The following PPP6R3 variants were observed in gnomAD, a reference collection of about 807,000 sequenced individuals.
The protein encoded by PPP6R3 is protein phosphatase 6 regulatory subunit 3.
Under a neutral mutation model 110.7 loss-of-function variants are expected in PPP6R3, and 38 were observed. That is an observed-to-expected ratio of 0.34 (90% CI 0.26 to 0.45). The LOEUF is 0.45. Ranked by LOEUF, PPP6R3 falls within the 20% of genes least tolerant of loss-of-function variation. PPP6R3 has a pLI of 1.00. For missense variants in PPP6R3, 870 were observed against 1,062.4 expected, an observed-to-expected ratio of 0.82 and a Z score of 2.52; for synonymous variants, 369 against 373.5, an observed-to-expected ratio of 0.99 and a Z score of 0.14.
In PPP6R3 at chr11:68,596,028, T is replaced by C. The variant is rs555591511; in HGVS notation, c.1917-69T>C. 7.5e-6 allele frequency: 12 copies of C among 1,595,086 alleles called. No homozygotes were observed. The Admixed American group carries it at 1.5e-4, about 20-fold the overall frequency. On this transcript the variant is annotated intron_variant, in intron 18 of 23. Coordinates refer to ENST00000393800, the MANE Select transcript of PPP6R3 (RefSeq NM_001164161.2). ...AGGACCTTTTGTTGCTGGATGACTG[T>C]TAGAATTTTCTGGATTTAGCTGGTG...
Position 68,548,031 on chromosome 11 carries a change from T to TA in PPP6R3, c.415-35dup, listed in dbSNP as rs758856501. ...AAGGTAAAGTTTATAGTTTCCAAGT[T>TA]ACATGTCTTTCAGTTTCTGATCTGT... On this transcript the variant is annotated intron_variant, in intron 4 of 23. Transcript: ENST00000393800. The TA allele has an allele frequency of 7.5e-6, 12 of 1,593,812 alleles. No homozygotes were observed. The African/African-American group carries it at 1.6e-4, about 22-fold the overall frequency.
At chr11:68,505,740 C>G (rs1465238771) in intron 1 of PPP6R3, among the ~76,000 whole-genome samples, 1 of 152,184 alleles carries the variant, frequency 6.6e-6, no homozygotes, top group Non-Finnish European at 1.5e-5. Flanking sequence ...CCTTCCTAGC[C>G]ATGTTTCAGA....
chr11:68,574,559 T>C (rs1464055686), intron 13 of PPP6R3, among the ~76,000 whole-genome samples: 1 of 152,232 alleles, frequency 6.6e-6, no homozygotes, highest in African/African-American at 2.4e-5. Context: ...ATGCTAGCAG[T>C]TGAGCCACTT....
chr11:68,590,523 TTGTTTC>T, intron 16 of PPP6R3, 131 bp from the exon 17 acceptor site: 1 of 949,946 alleles, frequency 1.1e-6, no homozygotes, highest in South Asian at 2.5e-5. Context: ...TATAAGAAGG[TTGTTTC>T]TGTTTGTTTT....
At chr11:68,543,123 C>G (rs906925620) in intron 3 of PPP6R3, among the ~76,000 whole-genome samples, 6 of 152,206 alleles carry the variant, frequency 3.9e-5, no homozygotes, top group African/African-American at 1.4e-4. Flanking sequence ...CTCCCCTCCT[C>G]CATAAGATAA....
rs568000602 is a variant in PPP6R3 at position 68,488,254 on chromosome 11, G to C, written c.-158+27427G>C. 2.6e-5 allele frequency among the ~76,000 whole-genome samples: 4 copies of C among 151,718 alleles called. No homozygotes were observed. In the South Asian group the frequency reaches 6.2e-4, roughly 24 times the overall value. On this transcript the variant is annotated intron_variant, in intron 1 of 23. Coordinates refer to ENST00000393800, the MANE Select transcript of PPP6R3 (RefSeq NM_001164161.2). The stretch of plus-strand genomic sequence containing the variant: ...TTCTTTTTTTTTTAAACAGGGACTT[G>C]CTCTATAGCCCAGGCTGCAGTGCAG...
At chr11:68,577,723 C>A (rs1191741006) in intron 14 of PPP6R3, among the ~76,000 whole-genome samples, 2 of 152,108 alleles carry the variant, frequency 1.3e-5, no homozygotes, top group South Asian at 2.1e-4. Flanking sequence ...AGGGTGTGGT[C>A]ATCCCGCAAA....
At chr11:68,465,037 A>C (rs1261434203) in intron 1 of PPP6R3, among the ~76,000 whole-genome samples, 2 of 152,030 alleles carry the variant, frequency 1.3e-5, no homozygotes, top group Non-Finnish European at 2.9e-5. Context: ...GCGTGCCACC[A>C]CACCTGGCTC....
intron 2 of PPP6R3, among the ~76,000 whole-genome samples, chr11:68,522,880 A>C (rs1462263506): frequency 6.6e-6 from 1 of 152,198 alleles, no homozygotes; most frequent in Non-Finnish European, 1.5e-5. Context: ...GGAGGCTAAA[A>C]AGTCAGAGGT....
At chr11:68,481,194 A>G (rs1207993987) in intron 1 of PPP6R3, among the ~76,000 whole-genome samples, 5 of 152,224 alleles carry the variant, frequency 3.3e-5, no homozygotes, top group Non-Finnish European at 5.9e-5. Context: ...TAAATTAAAA[A>G]GAGGCCATCA....
At chr11:68,604,440 AG>A (rs1938286681) in intron 22 of PPP6R3, among the ~76,000 whole-genome samples, 1 of 152,272 alleles carries the variant, frequency 6.6e-6, no homozygotes, top group African/African-American at 2.4e-5. Flanking sequence ...TAGAAAATCT[AG>A]AGTAGACTTG....
chr11:68,543,835 C>G (rs917094633), intron 3 of PPP6R3, among the ~76,000 whole-genome samples: 1 of 152,064 alleles, frequency 6.6e-6, no homozygotes. Flanking sequence ...AAAACAGACA[C>G]GAGATTGTCA....
intron 2 of PPP6R3, among the ~76,000 whole-genome samples, chr11:68,533,865 A>G (rs929582937): frequency 1.3e-5 from 2 of 152,142 alleles, no homozygotes; most frequent in African/African-American, 4.8e-5. Context: ...CAGTTAGGCC[A>G]CGCTGCTGGA....
chr11:68,611,560 C>CCAT (rs1235657654), intron 23 of PPP6R3, among the ~76,000 whole-genome samples: 4 of 152,110 alleles, frequency 2.6e-5, no homozygotes, highest in African/African-American at 4.8e-5. Context: ...ATGCCTTTAT[C>CCAT]CATCTGTCCT....
intron 1 of PPP6R3, among the ~76,000 whole-genome samples, chr11:68,500,196 T>C (rs1223580043): frequency 6.6e-6 from 1 of 152,214 alleles, no homozygotes; most frequent in East Asian, 1.9e-4. Flanking sequence ...ATTCAATACT[T>C]AGACTTGAAA....
chr11:68,478,746 C>T (rs1343046856), intron 1 of PPP6R3, among the ~76,000 whole-genome samples: 1 of 142,720 alleles, frequency 7.0e-6, no homozygotes, highest in Non-Finnish European at 1.5e-5. Flanking sequence ...CAACCTCCGC[C>T]TCCCGGGTTC....
At position 68,583,111 on chromosome 11, in the gene PPP6R3, G is replaced by A; in HGVS notation, c.1614G>A (p.Gln538=). ...ACTTTAAAGAAACGGGTTTCTCACAGGATTCTTCTTTGCAGCAAGTGAGTC... is the reference window on the plus strand; with the variant it reads ...ACTTTAAAGAAACGGGTTTCTCACAAGATTCTTCTTTGCAGCAAGTGAGTC... ...EIDFKETGFS[Q]DSSLQQAFSD... The change falls in exon 15 of 24, where the codon CAG becomes CAA. Residue 538 remains glutamine, a synonymous_variant. Transcript: ENST00000393800. 1.3e-6 allele frequency: 2 copies of A among 1,544,760 alleles called. No homozygotes were observed. Among genetic ancestry groups the A allele is most frequent in the Admixed American group, 2.0e-5 (1 of 50,380 alleles).
intron 7 of PPP6R3, among the ~76,000 whole-genome samples, chr11:68,556,641 A>G (rs1354603670): frequency 6.6e-6 from 1 of 151,858 alleles, no homozygotes; most frequent in African/African-American, 2.4e-5. Flanking sequence ...CATGAGTTTT[A>G]GTGATGTCTA....
intron 3 of PPP6R3, among the ~76,000 whole-genome samples, chr11:68,543,403 G>GT (rs58332211): frequency 0.66 from 96,999 of 146,804 alleles, 32,017 homozygotes; most frequent in South Asian, 0.78. Context: ...TGCCAGGTCT[G>GT]TTTTTTTTTT....
Sources: allele counts gnomAD v4.1 joint callset (sites outside exome capture counted in the v4.1 genomes callset), GRCh38; gene constraint gnomAD v4.1.1; transcripts MANE v1.5; gene names NCBI Gene and HGNC (gene_info 2026-07-23, HGNC 2026-07-21).